EXOC4: variants seen among roughly 807,000 people sequenced by gnomAD.
EXOC4 encodes exocyst complex component 4.
EXOC4 carries 71 observed loss-of-function variants against 107.2 expected under a neutral mutation model. That is an observed-to-expected ratio of 0.66 (90% CI 0.55 to 0.81). The LOEUF (loss-of-function observed/expected upper bound fraction) is 0.81, where lower values mean the gene tolerates loss of function less well. Ranked by LOEUF, EXOC4 falls within the 30% of genes least tolerant of loss-of-function variation. The pLI is 0.00. For synonymous variants in EXOC4, 456 were observed against 441.2 expected (o/e 1.03, Z -0.42); for missense variants, 1,108 against 1,189.6 (o/e 0.93, Z 1.01).
At chr7:133,937,483 G>C (rs1800330417) in intron 13 of EXOC4, among the ~76,000 whole-genome samples, 1 of 152,028 alleles carries the variant, frequency 6.6e-6, no homozygotes, top group African/African-American at 2.4e-5. Flanking sequence ...AGATTAACTT[G>C]GTTATTTTAT....
chr7:133,857,069 C>T (rs1798391033), intron 11 of EXOC4, among the ~76,000 whole-genome samples: 1 of 135,490 alleles, frequency 7.4e-6, no homozygotes, highest in African/African-American at 2.8e-5. Flanking sequence ...TGCACTCCAG[C>T]CTGGGCAACA....
At chr7:133,786,252 A>G (rs1468122689) in intron 10 of EXOC4, among the ~76,000 whole-genome samples, 2 of 152,208 alleles carry the variant, frequency 1.3e-5, no homozygotes, top group African/African-American at 4.8e-5. Flanking sequence ...TCTCTGGGTC[A>G]TTACGGAGAC....
At chr7:133,784,165 TA>T (rs1166358976) in intron 10 of EXOC4, among the ~76,000 whole-genome samples, 4 of 152,168 alleles carry the variant, frequency 2.6e-5, no homozygotes, top group African/African-American at 9.7e-5. Flanking sequence ...TCTTTGCTCA[TA>T]TTTTTTTTTC....
chr7:133,839,589 A>G (rs759726643), intron 11 of EXOC4, among the ~76,000 whole-genome samples: 15 of 152,226 alleles, frequency 9.9e-5, no homozygotes, highest in Admixed American at 6.5e-5. Flanking sequence ...TCAATAAAGA[A>G]TGAAGACCAA....
intron 9 of EXOC4, among the ~76,000 whole-genome samples, chr7:133,621,386 T>C (rs1004149): frequency 0.16 from 24,522 of 152,204 alleles, 2,382 homozygotes; most frequent in African/African-American, 0.26. Flanking sequence ...AAAAAAAATA[T>C]GATTTTTATT....
intron 7 of EXOC4, among the ~76,000 whole-genome samples, chr7:133,445,500 C>G (rs370119329): frequency 6.6e-6 from 1 of 152,146 alleles, no homozygotes; most frequent in African/African-American, 2.4e-5. Context: ...CGTCTTTCCA[C>G]TACTTCAGTG....
chr7:134,035,133 C>G (rs1428802727), intron 17 of EXOC4, among the ~76,000 whole-genome samples: 1 of 150,834 alleles, frequency 6.6e-6, no homozygotes, highest in Non-Finnish European at 1.5e-5. Flanking sequence ...GCAGCCTCCA[C>G]CTCCTGGGTT....
At chr7:134,008,668 G>A (rs774289087) in intron 17 of EXOC4, among the ~76,000 whole-genome samples, 2 of 151,824 alleles carry the variant, frequency 1.3e-5, no homozygotes, top group Non-Finnish European at 2.9e-5. Context: ...TAAGTGACAG[G>A]GTATTGCTCT....
At chr7:133,347,741 G>A (rs1795819064) in intron 5 of EXOC4, among the ~76,000 whole-genome samples, 3 of 152,244 alleles carry the variant, frequency 2.0e-5, no homozygotes, top group African/African-American at 7.2e-5. Context: ...CATACAATGT[G>A]TGTGTGTGTG....
At chr7:133,857,530 C>G (rs142297540) in intron 11 of EXOC4, among the ~76,000 whole-genome samples, 1 of 148,332 alleles carries the variant, frequency 6.7e-6, no homozygotes, top group East Asian at 2.1e-4. Context: ...CTGTGCTGCT[C>G]GGCTCATGCT....
At chr7:133,341,349 C>T (rs545233818) in intron 5 of EXOC4, among the ~76,000 whole-genome samples, 2 of 152,174 alleles carry the variant, frequency 1.3e-5, no homozygotes, top group Admixed American at 1.3e-4. Flanking sequence ...TTTGAGGGTT[C>T]CTTTTGGAGT....
chr7:133,584,212 C>T (rs1209443965), intron 9 of EXOC4, among the ~76,000 whole-genome samples: 7 of 152,054 alleles, frequency 4.6e-5, no homozygotes, highest in African/African-American at 2.4e-5. Flanking sequence ...CATTAGCATT[C>T]AGGTTTTAAT....
At chr7:134,096,789 G>A in the EXOC4 span, among the ~76,000 whole-genome samples, 1 of 152,032 alleles carries the variant, frequency 6.6e-6, no homozygotes, top group Admixed American at 6.6e-5. Flanking sequence ...TTCTAGCCTC[G>A]CTGGCAGCTG....
chr7:133,303,674 C>G (rs569363867), intron 3 of EXOC4, among the ~76,000 whole-genome samples: 1 of 152,226 alleles, frequency 6.6e-6, no homozygotes, highest in African/African-American at 2.4e-5. Flanking sequence ...ATTCTCTTTC[C>G]TCTTTTGTGG....
At chr7:133,782,244 TA>T (rs1191381639) in intron 10 of EXOC4, among the ~76,000 whole-genome samples, 1 of 152,244 alleles carries the variant, frequency 6.6e-6, no homozygotes, top group Non-Finnish European at 1.5e-5. Context: ...ATAGGTTTAC[TA>T]AAATAAATGT....
chr7:133,674,042 A>G (rs938779555), intron 10 of EXOC4, among the ~76,000 whole-genome samples: 5 of 152,230 alleles, frequency 3.3e-5, no homozygotes, highest in African/African-American at 1.2e-4. Context: ...AAGGAAGGCA[A>G]GGAATTTGTG....
At chr7:133,656,820 G>A (rs1437935162) in intron 10 of EXOC4, among the ~76,000 whole-genome samples, 1 of 152,158 alleles carries the variant, frequency 6.6e-6, no homozygotes, top group Non-Finnish European at 1.5e-5. Flanking sequence ...AGTGATTTGT[G>A]TGAAGTTGTA....
intron 7 of EXOC4, among the ~76,000 whole-genome samples, chr7:133,381,016 A>G (rs1483884173): frequency 6.6e-6 from 1 of 151,836 alleles, no homozygotes; most frequent in African/African-American, 2.4e-5. Context: ...TTTCTTAAGC[A>G]TGTTGTGGAA....
chr7:133,469,999 C>T (rs1798832114), intron 7 of EXOC4, among the ~76,000 whole-genome samples: 1 of 152,164 alleles, frequency 6.6e-6, no homozygotes, highest in Admixed American at 6.5e-5. Flanking sequence ...AACATTTTGG[C>T]TGTGGCTGAG....
Sources: allele counts gnomAD v4.1 joint callset (sites outside exome capture counted in the v4.1 genomes callset), GRCh38; gene constraint gnomAD v4.1.1; transcripts MANE v1.5; gene names NCBI Gene and HGNC (gene_info 2026-07-23, HGNC 2026-07-21).